The following PROSER2 variants were observed in gnomAD, a reference collection of about 807,000 sequenced individuals.
PROSER2 encodes proline and serine rich 2.
Under a neutral mutation model 14.6 loss-of-function variants are expected in PROSER2, and 18 were observed. That is an observed-to-expected ratio of 1.23 (90% CI 0.85 to 1.83). PROSER2 has a LOEUF of 1.83. PROSER2 is among the 40% of genes most tolerant of loss of function. The pLI is 0.00. For missense variants in PROSER2, 823 were observed against 629.8 expected (o/e 1.31, Z -3.28); for synonymous variants, 367 against 286.4 (o/e 1.28, Z -2.84).
In PROSER2 at chr10:11,852,232, CT is replaced by C. The variant is rs755826049; in HGVS notation, c.138+20del. ...TTCACTTTGGTGAGTGACAGTTTTT[CT>C]TTCATGCTTTCCTGTGCCTGGGTCA... is the stretch of plus-strand genomic sequence containing the variant. On this transcript the variant is annotated intron_variant, in intron 2 of 3. Transcript: ENST00000277570. 3 of 1,591,740 alleles carry C rather than the reference CT, an allele frequency of 1.9e-6. No homozygotes were observed. The Admixed American group carries it at 5.2e-5, about 28-fold the overall frequency.
chr10:11,825,377 G>A (rs551962875), intron 1 of PROSER2, among the ~76,000 whole-genome samples: 221 of 152,294 alleles, frequency 1.5e-3, no homozygotes, highest in Non-Finnish European at 1.8e-3. Context: ...TTCCTTTGAC[G>A]GTGAAGGCCA....
At chr10:11,857,952 A>G (rs893771028) in intron 2 of PROSER2, among the ~76,000 whole-genome samples, 3 of 151,622 alleles carry the variant, frequency 2.0e-5, no homozygotes, top group Non-Finnish European at 4.4e-5. Context: ...TTTCCCCCCC[A>G]AGATGGAGTC....
chr10:11,844,348 T>G (rs1191775453), intron 1 of PROSER2, among the ~76,000 whole-genome samples: 1 of 152,172 alleles, frequency 6.6e-6, no homozygotes, highest in Non-Finnish European at 1.5e-5. Flanking sequence ...ATTCATATGG[T>G]TAAAAAAGAA....
chr10:11,827,966 CCTT>C (rs1418000342), intron 1 of PROSER2, among the ~76,000 whole-genome samples: 1 of 152,044 alleles, frequency 6.6e-6, no homozygotes, highest in Non-Finnish European at 1.5e-5. Flanking sequence ...GCAAGAGCCA[CCTT>C]CTCTTTTTGA....
chr10:11,856,275 G>A lies in PROSER2; in HGVS notation c.138+4060G>A, dbSNP rs759218911. On this transcript the variant is annotated intron_variant, in intron 2 of 3. Coordinates refer to ENST00000277570, the MANE Select transcript of PROSER2 (RefSeq NM_153256.4). The surrounding 1 kb of genome is among the most constrained non-coding windows in gnomAD (Gnocchi z 5.3). ...TTGGTTACCACCGTCACCCTCTAAG[G>A]CCTGTGTCTCCAGGGCTCACCTCGT... Among the ~76,000 whole-genome samples, 1 of 152,162 alleles carries A rather than the reference G, an allele frequency of 6.6e-6. No individual in the cohort carries two copies. The highest frequency in any genetic ancestry group is 2.4e-5 in the African/African-American group (1 of 41,434).
At chr10:11,824,138 T>C (rs1204894651) in intron 1 of PROSER2, among the ~76,000 whole-genome samples, 1 of 152,196 alleles carries the variant, frequency 6.6e-6, no homozygotes, top group Non-Finnish European at 1.5e-5. Context: ...TTGGTGTATT[T>C]TTTTTTTCCT....
Position 11,871,947 on chromosome 10 carries a change from C to T in PROSER2, c.*1541C>T, listed in dbSNP as rs961760160. ...TTCATCCAGCTCTTATGAATAATAA[C>T]CTCATAGATTCCTGATCTTAATTTA... On this transcript the variant is annotated 3_prime_UTR_variant, in exon 4 of 4. Transcript: ENST00000277570. 1.3e-5 allele frequency: 2 copies of T among 152,156 alleles called. No homozygotes were observed. Among genetic ancestry groups the T allele is most frequent in the Non-Finnish European group, 2.9e-5 (2 of 68,034 alleles). The allele number at this position is 152,156 out of a possible 1,614,324, so 9.4% of individuals were successfully genotyped here.
At chr10:11,831,485 A>G (rs574121949) in intron 1 of PROSER2, among the ~76,000 whole-genome samples, 2 of 152,228 alleles carry the variant, frequency 1.3e-5, no homozygotes, top group Non-Finnish European at 2.9e-5. Context: ...CCATTTTTCA[A>G]AAATGAGCTG....
chr10:11,869,880 A>G lies in PROSER2; in HGVS notation c.782A>G (p.Asn261Ser), dbSNP rs1421103700. The part of the protein sequence containing the change: ...PRFPSNIIVT[N>S]GAAREPRRTL... ...TTCCCCAGCAACATCATCGTCACCA[A>G]CGGCGCGGCCCGGGAGCCCCGCAGG... The change falls in exon 4 of 4, where the codon AAC (asparagine) becomes AGC (serine). Residue 261 changes from asparagine to serine, a missense_variant. Transcript: ENST00000277570. This position sits in a 1 kb window ranked among gnomAD's most constrained non-coding sequence, Gnocchi z 4.4. The G allele has an allele frequency of 6.3e-7, 1 of 1,592,242 alleles. No homozygotes were observed. Among genetic ancestry groups the G allele is most frequent in the Admixed American group, 1.7e-5 (1 of 57,392 alleles).
rs773686590 is a variant in PROSER2 at position 11,866,512 on chromosome 10, C to CCCAATCCCTGTACTCTAGGATG, written c.139-18_142dup. On this transcript the variant is annotated intron_variant, in intron 2 of 3. Coordinates refer to ENST00000277570, the MANE Select transcript of PROSER2 (RefSeq NM_153256.4). The surrounding 1 kb of genome is among the most constrained non-coding windows in gnomAD (Gnocchi z 6.0). ...CAGTGTTTGTTTTCTCTCTTCTGTT[C>CCCAATCCCTGTACTCTAGGATG]CCAATCCCTGTACTCTAGGATGATG... 6.2e-7 allele frequency: 1 copy of CCCAATCCCTGTACTCTAGGATG among 1,612,292 alleles called. No individual in the cohort carries two copies. The highest frequency in any genetic ancestry group is 1.1e-5 in the South Asian group (1 of 90,758).
At chr10:11,852,251 C>CTGG (rs779697813) in intron 2 of PROSER2, 36 bp downstream of exon 2, 1 of 1,569,676 alleles carries the variant, frequency 6.4e-7, no homozygotes, top group Non-Finnish European at 8.7e-7. Context: ...TTTCCTGTGC[C>CTGG]TGGGTCAGTG....
intron 1 of PROSER2, among the ~76,000 whole-genome samples, chr10:11,847,482 A>G (rs1186998016): frequency 6.6e-6 from 1 of 152,180 alleles, no homozygotes; most frequent in African/African-American, 2.4e-5. Context: ...CATTGGCGCA[A>G]TCTCTGCTCA....
At position 11,842,931 on chromosome 10, in the gene PROSER2, C is replaced by CTTTTTTTTTTTTTTTT. The variant is rs558283551; in HGVS notation, c.-81-9054_-81-9039dup. ...TTTTCTATACTATTTTGCCATTGTTCTTTTTTTTTTTTTTTTTTTTTTTTT... is the reference window on the plus strand; with the variant it reads ...TTTTCTATACTATTTTGCCATTGTTCTTTTTTTTTTTTTTTTTTTTTTTTTTTTTTTTTTTTTTTTT... On this transcript the variant is annotated intron_variant, in intron 1 of 3. Coordinates refer to ENST00000277570, the MANE Select transcript of PROSER2 (RefSeq NM_153256.4). 6.0e-3 allele frequency among the ~76,000 whole-genome samples: 314 copies of CTTTTTTTTTTTTTTTT among 51,942 alleles called. 53 individuals are homozygous for CTTTTTTTTTTTTTTTT. The highest frequency in any genetic ancestry group is 8.5e-3 in the Non-Finnish European group (229 of 27,012). The allele number at this position is 51,942 out of a possible 152,430, so 34.1% of individuals were successfully genotyped here. A position where few individuals can be genotyped will look rare whatever the true frequency, so the allele number is the denominator to read the frequency against.
chr10:11,835,019 A>G (rs1308392643), intron 1 of PROSER2, among the ~76,000 whole-genome samples: 1 of 151,798 alleles, frequency 6.6e-6, no homozygotes, highest in Non-Finnish European at 1.5e-5. Context: ...AGGCAGGAGA[A>G]TTGTTCAAAC....
chr10:11,870,168 GCTC>G lies in PROSER2; in HGVS notation c.1073_1075del (p.Ser358del). The G allele has an allele frequency of 6.8e-7, 1 of 1,476,616 alleles. No homozygotes were observed. The highest frequency in any genetic ancestry group is 8.9e-7 in the Non-Finnish European group (1 of 1,120,824). The allele number at this position is 1,476,616 out of a possible 1,614,324, so 91.5% of individuals were successfully genotyped here. On this transcript the variant is annotated inframe_deletion, in exon 4 of 4. Coordinates refer to ENST00000277570, the MANE Select transcript of PROSER2 (RefSeq NM_153256.4). The stretch of plus-strand genomic sequence containing the variant: ...CACGAGGCCCTGAAGAGCGCACCCA[GCTC>G]CTTCGCGCCCGCTGGGAAGTCCCTC...
rs775001153 is a variant in PROSER2, at chr10:11,866,830, T to C, written c.391+47T>C. The C allele has an allele frequency of 6.3e-7, 1 of 1,577,680 alleles. No individual in the cohort carries two copies. The highest frequency in any genetic ancestry group is 2.2e-5 in the East Asian group (1 of 44,536). On this transcript the variant is annotated intron_variant, in intron 3 of 3. Coordinates refer to ENST00000277570, the MANE Select transcript of PROSER2 (RefSeq NM_153256.4). The surrounding 1 kb of genome is among the most constrained non-coding windows in gnomAD (Gnocchi z 6.0). ...CCCTGGGATGTGGTTTCCTGGTGTC[T>C]GTGAGACCCAGAGATACTTCTTTTG...
At chr10:11,839,730 CAGG>C (rs1422614812) in intron 1 of PROSER2, among the ~76,000 whole-genome samples, 1 of 149,096 alleles carries the variant, frequency 6.7e-6, no homozygotes, top group Non-Finnish European at 1.5e-5. Flanking sequence ...GAGGCTGAGG[CAGG>C]AGAATCGCTT....
In PROSER2 at chr10:11,865,147, C is replaced by G. The variant is rs1311429829; in HGVS notation, c.139-1384C>G. Among the ~76,000 whole-genome samples the G allele has an allele frequency of 6.6e-6, 1 of 152,066 alleles. No individual in the cohort carries two copies. The highest frequency in any genetic ancestry group is 1.5e-5 in the Non-Finnish European group (1 of 68,022). On this transcript the variant is annotated intron_variant, in intron 2 of 3. Coordinates refer to ENST00000277570, the MANE Select transcript of PROSER2 (RefSeq NM_153256.4). This position sits in a 1 kb window ranked among gnomAD's most constrained non-coding sequence, Gnocchi z 4.2. ...TTTTCTCTGATTTCTCTCTCTGGAA[C>G]TCTCATTATTCACATAGTGGCCCTC...
intron 1 of PROSER2, among the ~76,000 whole-genome samples, chr10:11,846,758 T>G (rs974204504): frequency 2.2e-4 from 33 of 152,130 alleles, no homozygotes; most frequent in African/African-American, 7.7e-4. Flanking sequence ...TGGGTTTTGT[T>G]TGTTTGTTTG....
Sources: gnomAD v4.1 joint callset for allele counts (sites outside exome capture counted in the v4.1 genomes callset) on GRCh38, gnomAD v4.1.1 for gene constraint, Gnocchi (gnomAD v3.1) non-coding constraint, MANE v1.5 for transcripts, NCBI Gene and HGNC (gene_info 2026-07-23, HGNC 2026-07-21) for gene names.